Variants in EPB41 observed in about 807,000 individuals in gnomAD.
The protein encoded by EPB41 is protein 4.1.
EPB41 carries 65 observed loss-of-function variants against 108.0 expected under a neutral mutation model. The ratio of observed to expected loss-of-function variants is 0.60; its 90% CI spans 0.49 to 0.74. EPB41 has a LOEUF of 0.74. Among genes scored for constraint, EPB41 ranks in the 30% least tolerant of loss-of-function variants. The pLI is 0.00. For synonymous variants in EPB41, 336 were observed against 358.9 expected, an observed-to-expected ratio of 0.94 and a Z score of 0.72; for missense variants, 875 against 1,037.0, an observed-to-expected ratio of 0.84 and a Z score of 2.15.
chr1:29,076,656 C>A (rs138360393), intron 16 of EPB41, among the ~76,000 whole-genome samples: 10 of 152,246 alleles, frequency 6.6e-5, no homozygotes, highest in African/African-American at 2.4e-4. Context: ...ATGATTTATA[C>A]CCCACCAGAA....
chr1:28,913,431 C>T (rs548208982), upstream of EPB41, among the ~76,000 whole-genome samples: 81 of 151,762 alleles, frequency 5.3e-4, no homozygotes, highest in Non-Finnish European at 7.4e-4. Context: ...AGCGAGACTC[C>T]GTCTCAAATA....
chr1:29,030,084 G>C (rs1572735318), intron 7 of EPB41, among the ~76,000 whole-genome samples: 1 of 152,306 alleles, frequency 6.6e-6, no homozygotes, highest in East Asian at 1.9e-4. Context: ...AAAGAGTGAA[G>C]AGAAGGGGGC....
intron 2 of EPB41, among the ~76,000 whole-genome samples, chr1:28,990,705 A>G (rs2095998569): frequency 6.6e-6 from 1 of 152,020 alleles, no homozygotes. Context: ...AGGCATGACC[A>G]CTGTGCCTGG....
intron 1 of EPB41, among the ~76,000 whole-genome samples, chr1:28,976,553 T>G (rs1237234136): frequency 6.6e-6 from 1 of 151,984 alleles, no homozygotes; most frequent in Non-Finnish European, 1.5e-5. Context: ...GAGGCCTTTC[T>G]ATGTTGCCTA....
chr1:29,111,655 AAAAT>A (rs915849242), intron 18 of EPB41, among the ~76,000 whole-genome samples: 5 of 151,460 alleles, frequency 3.3e-5, no homozygotes, highest in African/African-American at 4.8e-5. Flanking sequence ...TCCGTCTCAA[AAAAT>A]AAATAAATAA....
chr1:29,040,891 T>C (rs1641242656), intron 11 of EPB41, among the ~76,000 whole-genome samples: 1 of 152,036 alleles, frequency 6.6e-6, no homozygotes, highest in Non-Finnish European at 1.5e-5. Context: ...ATCGCAGCAC[T>C]TTGGGAGGCC....
intron 1 of EPB41, among the ~76,000 whole-genome samples, chr1:28,917,340 G>T (rs927986920): frequency 6.6e-6 from 1 of 151,940 alleles, no homozygotes; most frequent in African/African-American, 2.4e-5. Context: ...GAGTGCAGTG[G>T]CATGATCTCA....
chr1:28,987,745 A>T lies in EPB41; in HGVS notation c.308A>T (p.Glu103Val). Residue 103 changes from glutamate (E) to valine (V), a missense_variant, in exon 2 of 21, where the codon GAG (glutamate) becomes GTG (valine). This residue lies in a region of EPB41 where 353 missense variants were observed against 393.2 expected (regional missense o/e 0.90). Coordinates refer to ENST00000343067, the MANE Select transcript of EPB41 (RefSeq NM_001376013.1). ...QVSEEEGKEVESDKEKGEGGQ... is the reference protein window; with the variant it reads ...QVSEEEGKEVVSDKEKGEGGQ... ...TCCGAGGAAGAAGGCAAAGAAGTAG[A>T]GTCAGATAAAGAAAAAGGTGAAGGA... The T allele has an allele frequency of 6.2e-7, 1 of 1,614,200 alleles. No individual in the cohort carries two copies. Among genetic ancestry groups the T allele is most frequent in the Admixed American group, 1.7e-5 (1 of 60,016 alleles).
chr1:28,951,318 A>T (rs973691787), intron 1 of EPB41, among the ~76,000 whole-genome samples: 3 of 146,084 alleles, frequency 2.1e-5, no homozygotes, highest in South Asian at 2.1e-4. Context: ...AGACCCCATT[A>T]AAAAAAAAAC....
chr1:29,015,950 T>G (rs543989386), intron 6 of EPB41, among the ~76,000 whole-genome samples, 183 bp downstream of exon 6: 79 of 152,324 alleles, frequency 5.2e-4, no homozygotes, highest in Admixed American at 1.5e-3. Flanking sequence ...TAAGTGAATC[T>G]AAAAGCCTTG....
At chr1:29,107,206 T>C (rs1178758277) in intron 17 of EPB41, among the ~76,000 whole-genome samples, 1 of 151,752 alleles carries the variant, frequency 6.6e-6, no homozygotes, top group Non-Finnish European at 1.5e-5. Context: ...TAAATAAAAA[T>C]TTAAAAATCA....
At chr1:28,952,948 C>G (rs887269416) in intron 1 of EPB41, among the ~76,000 whole-genome samples, 8 of 152,118 alleles carry the variant, frequency 5.3e-5, no homozygotes, top group African/African-American at 1.9e-4. Context: ...AAGCTGGTCT[C>G]GAACTCCTGA....
intron 1 of EPB41, among the ~76,000 whole-genome samples, chr1:28,900,867 C>A (rs1429757014): frequency 6.6e-6 from 1 of 152,028 alleles, no homozygotes; most frequent in African/African-American, 2.4e-5. Flanking sequence ...GTAGCTTGTT[C>A]TCTCATCTCT....
At chr1:28,950,147 A>G (rs1175187861) in intron 1 of EPB41, among the ~76,000 whole-genome samples, 12 of 152,130 alleles carry the variant, frequency 7.9e-5, no homozygotes. Flanking sequence ...AAGCATCTCA[A>G]AGTTTCTCTA....
intron 1 of EPB41, among the ~76,000 whole-genome samples, chr1:28,948,675 C>T (rs993575871): frequency 2.0e-5 from 3 of 151,482 alleles, no homozygotes; most frequent in African/African-American, 4.9e-5. Flanking sequence ...ATGAGCCGGA[C>T]GCTGTGACTT....
chr1:29,104,594 T>C lies in EPB41; in HGVS notation c.2314-4742T>C, dbSNP rs367737994. ...CTACATGTGACTTTTTAATTTTTTT[T>C]TTTTTTCGAGACGGAGTCTCGCTCT... On this transcript the variant is annotated intron_variant, in intron 17 of 20. Transcript: ENST00000343067. Among the ~76,000 whole-genome samples the C allele has an allele frequency of 4.5e-3, 682 of 152,164 alleles. 4 individuals carry two copies. The highest frequency in any genetic ancestry group is 0.016 in the African/African-American group (645 of 41,516).
intron 1 of EPB41, among the ~76,000 whole-genome samples, chr1:28,979,796 A>C (rs534028674): frequency 6.6e-6 from 1 of 152,076 alleles, no homozygotes; most frequent in African/African-American, 2.4e-5. Context: ...TAGTTTATGT[A>C]TTAGTGACTG....
chr1:28,925,215 G>A (rs1448352504), intron 1 of EPB41, among the ~76,000 whole-genome samples: 1 of 151,940 alleles, frequency 6.6e-6, no homozygotes, highest in African/African-American at 2.4e-5. Context: ...CGCCCACCTC[G>A]GCCTCTCAAA....
In EPB41 at chr1:29,118,547, A is replaced by G. The variant is rs1671355574; in HGVS notation, c.*1735A>G. 1 of 152,256 alleles carries G rather than the reference A, an allele frequency of 6.6e-6. No homozygotes were observed. Among genetic ancestry groups the G allele is most frequent in the Non-Finnish European group, 1.5e-5 (1 of 68,072 alleles). The allele number at this position is 152,256 out of a possible 1,614,324, so 9.4% of individuals were successfully genotyped here. On this transcript the variant is annotated 3_prime_UTR_variant, in exon 21 of 21. Coordinates refer to ENST00000343067, the MANE Select transcript of EPB41 (RefSeq NM_001376013.1). ...TATCGGGCAGCAGTCACTGGGGCTCAAGGGCAGTGAGCAAGAGAAATGTCT... is the reference window on the plus strand; with the variant it reads ...TATCGGGCAGCAGTCACTGGGGCTCGAGGGCAGTGAGCAAGAGAAATGTCT...
Sources: allele counts gnomAD v4.1 joint callset (sites outside exome capture counted in the v4.1 genomes callset), GRCh38; gene constraint gnomAD v4.1.1; regional missense constraint gnomAD v4.1.1; transcripts MANE v1.5; gene names NCBI Gene and HGNC (gene_info 2026-07-23, HGNC 2026-07-21).